FAT3: variants seen among roughly 807,000 people sequenced by gnomAD.
FAT3 encodes the protein FAT atypical cadherin 3.
In FAT3, 95 loss-of-function variants were observed where a neutral mutation model predicts 310.2. The ratio of observed to expected loss-of-function variants is 0.31; its 90% CI spans 0.26 to 0.36. The LOEUF is 0.36. Ranked by LOEUF, FAT3 falls within the 10% of genes least tolerant of loss-of-function variation. FAT3 has a pLI of 1.00. For missense variants in FAT3, 5,408 were observed against 5,715.6 expected, an observed-to-expected ratio of 0.95 and a Z score of 1.74; for synonymous variants, 2,314 against 2,192.9, an observed-to-expected ratio of 1.06 and a Z score of -1.54.
intron 3 of FAT3, among the ~76,000 whole-genome samples, chr11:92,599,821 TA>T (rs1939922780): frequency 6.6e-6 from 1 of 152,202 alleles, no homozygotes; most frequent in Admixed American, 6.5e-5. Flanking sequence ...GTACACCTTT[TA>T]GGAGCTTAGA....
chr11:92,460,419 G>C (rs996986968), intron 2 of FAT3, among the ~76,000 whole-genome samples: 7 of 152,206 alleles, frequency 4.6e-5, no homozygotes, highest in African/African-American at 1.7e-4. Flanking sequence ...GAACGGCAGG[G>C]CTGGACTAAT....
At chr11:92,622,235 T>A (rs1360589347) in intron 3 of FAT3, among the ~76,000 whole-genome samples, 1 of 151,008 alleles carries the variant, frequency 6.6e-6, no homozygotes, top group Admixed American at 6.6e-5. Context: ...AGTGAGCCCA[T>A]ATCATGCCAC....
chr11:92,462,233 G>T (rs2135113569), intron 2 of FAT3, among the ~76,000 whole-genome samples: 1 of 152,128 alleles, frequency 6.6e-6, no homozygotes, highest in Non-Finnish European at 1.5e-5. Flanking sequence ...TAAATTGCAT[G>T]TCATGGGGGT....
At chr11:92,327,499 A>T (rs528104578) in intron 1 of FAT3, among the ~76,000 whole-genome samples, 1 of 152,346 alleles carries the variant, frequency 6.6e-6, no homozygotes, top group South Asian at 2.1e-4. Context: ...ACTAGTCTGC[A>T]TATTCTTTTC....
At chr11:92,862,820 T>C (rs1207496845) in intron 21 of FAT3, among the ~76,000 whole-genome samples, 1 of 152,238 alleles carries the variant, frequency 6.6e-6, no homozygotes, top group African/African-American at 2.4e-5. Context: ...CTCATTCCCC[T>C]TGCATGTAGG....
intron 1 of FAT3, among the ~76,000 whole-genome samples, chr11:92,306,773 TATATA>T (rs1176335955): frequency 7.7e-6 from 1 of 130,560 alleles, no homozygotes; most frequent in Admixed American, 9.8e-5. Context: ...ATAAATAAAT[TATATA>T]TATATAAATT....
intron 1 of FAT3, among the ~76,000 whole-genome samples, chr11:92,293,808 C>T (rs1168379537): frequency 6.6e-6 from 1 of 151,708 alleles, no homozygotes; most frequent in Non-Finnish European, 1.5e-5. Flanking sequence ...TCTTTTATTA[C>T]TCAAAGGTAC....
At chr11:92,632,036 G>T (rs1276785681) in intron 3 of FAT3, among the ~76,000 whole-genome samples, 1 of 152,168 alleles carries the variant, frequency 6.6e-6, no homozygotes, top group Non-Finnish European at 1.5e-5. Context: ...TCTTGATGTA[G>T]CCAGGGTGAT....
rs145947685 is a variant in FAT3 at position 92,833,825 on chromosome 11, A to T, written c.9872-1045A>T. Among the ~76,000 whole-genome samples, 1,288 of 152,310 alleles carry T rather than the reference A, an allele frequency of 8.5e-3. 29 individuals carry two copies. The highest frequency in any genetic ancestry group is 0.029 in the African/African-American group (1,219 of 41,556). ...AAACACCATGGGGAAATGGCTAAGT[A>T]CTATTTAAATTTAGCACTAGTTAGC... On this transcript the variant is annotated intron_variant, in intron 14 of 27. Transcript: ENST00000525166.
intron 3 of FAT3, among the ~76,000 whole-genome samples, chr11:92,667,300 G>A (rs1054687766): frequency 6.6e-6 from 1 of 152,132 alleles, no homozygotes; most frequent in African/African-American, 2.4e-5. Context: ...GTCGTGTGGA[G>A]TTCTTTCCTG....
chr11:92,577,860 A>C (rs1445829462), intron 3 of FAT3, among the ~76,000 whole-genome samples: 2 of 152,020 alleles, frequency 1.3e-5, no homozygotes, highest in African/African-American at 4.8e-5. Flanking sequence ...TGATTGTTTT[A>C]TTTCTTTCTA....
intron 2 of FAT3, among the ~76,000 whole-genome samples, chr11:92,471,447 GA>G (rs1951900095): frequency 6.6e-6 from 1 of 152,090 alleles, no homozygotes; most frequent in Non-Finnish European, 1.5e-5. Flanking sequence ...CAGTAAACAT[GA>G]AAAGATGCTC....
At chr11:92,338,760 G>T (rs1469852149) in intron 1 of FAT3, among the ~76,000 whole-genome samples, 2 of 152,138 alleles carry the variant, frequency 1.3e-5, no homozygotes, top group Non-Finnish European at 2.9e-5. Flanking sequence ...GAACAAACGG[G>T]GATTCTAGCT....
At chr11:92,425,201 G>T (rs1359617905) in intron 2 of FAT3, among the ~76,000 whole-genome samples, 1 of 151,920 alleles carries the variant, frequency 6.6e-6, no homozygotes, top group African/African-American at 2.4e-5. Flanking sequence ...TTTCTTCAGA[G>T]TGATTTTTTA....
At chr11:92,742,583 G>C (rs556431811) in intron 4 of FAT3, among the ~76,000 whole-genome samples, 1 of 152,186 alleles carries the variant, frequency 6.6e-6, no homozygotes, top group Non-Finnish European at 1.5e-5. Context: ...CTGTGCCTTC[G>C]TGGATGGATT....
At chr11:92,683,983 A>C (rs1176027586) in intron 3 of FAT3, among the ~76,000 whole-genome samples, 1 of 152,198 alleles carries the variant, frequency 6.6e-6, no homozygotes, top group Non-Finnish European at 1.5e-5. Context: ...CGACATGTAC[A>C]AGTACTAATT....
intron 4 of FAT3, among the ~76,000 whole-genome samples, chr11:92,728,180 A>G (rs1271198050): frequency 6.6e-6 from 1 of 152,200 alleles, no homozygotes; most frequent in African/African-American, 2.4e-5. Context: ...CTAATACCAG[A>G]AAACGAGTTG....
intron 2 of FAT3, among the ~76,000 whole-genome samples, chr11:92,391,279 C>G (rs913368235): frequency 6.6e-6 from 1 of 152,074 alleles, no homozygotes; most frequent in East Asian, 1.9e-4. Flanking sequence ...GGGGACAGAC[C>G]GTCGAAGACC....
At chr11:92,871,792 CTA>C (rs66778578) in intron 22 of FAT3, among the ~76,000 whole-genome samples, 46,546 of 151,916 alleles carry the variant, frequency 0.31, 7,885 homozygotes, top group South Asian at 0.48. Context: ...TCAAGCATCT[CTA>C]TTTTTAACAA....
Sources: allele counts gnomAD v4.1 joint callset (sites outside exome capture counted in the v4.1 genomes callset), GRCh38; gene constraint gnomAD v4.1.1; transcripts MANE v1.5; gene names NCBI Gene and HGNC (gene_info 2026-07-23, HGNC 2026-07-21).